The following CTNNA3 variants were observed in gnomAD, a reference collection of about 807,000 sequenced individuals.
The protein encoded by CTNNA3 is catenin alpha 3.
A neutral mutation model predicts 95.7 loss-of-function variants in CTNNA3; 76 were observed. The ratio of observed to expected loss-of-function variants is 0.79; its 90% CI spans 0.66 to 0.96. The LOEUF (loss-of-function observed/expected upper bound fraction) is 0.96. Among genes scored for constraint, CTNNA3 ranks in the 40% least tolerant of loss-of-function variants. The pLI is 0.00. For synonymous variants in CTNNA3, 431 were observed against 374.4 expected (o/e 1.15, Z -1.74); for missense variants, 1,191 against 1,089.8 (o/e 1.09, Z -1.31).
chr10:65,921,940 T>G (rs953375371), intron 17 of CTNNA3, among the ~76,000 whole-genome samples: 1 of 152,122 alleles, frequency 6.6e-6, no homozygotes, highest in Non-Finnish European at 1.5e-5. Flanking sequence ...ATATCTATTA[T>G]ATGCTGTAGT....
chr10:66,217,055 T>G (rs1485803074), intron 13 of CTNNA3, among the ~76,000 whole-genome samples: 1 of 152,172 alleles, frequency 6.6e-6, no homozygotes, highest in East Asian at 1.9e-4. Flanking sequence ...TCAAGAATCC[T>G]ATATAAATGG....
intron 13 of CTNNA3, among the ~76,000 whole-genome samples, chr10:66,161,185 G>A (rs1034519145): frequency 3.3e-5 from 5 of 152,140 alleles, no homozygotes; most frequent in Non-Finnish European, 7.4e-5. Context: ...TCAAATGTTA[G>A]TATTGAAATG....
In CTNNA3 at chr10:65,916,024, C is replaced by G. The variant is rs938579237; in HGVS notation, c.*4306G>C. 3.3e-5 allele frequency: 5 copies of G among 152,028 alleles called. No homozygotes were observed. Among genetic ancestry groups the G allele is most frequent in the Admixed American group, 2.6e-4 (4 of 15,252 alleles). 9.4% of individuals were successfully genotyped at this position (152,028 alleles called of 1,614,324 possible). On this transcript the variant is annotated 3_prime_UTR_variant, in exon 18 of 18. Coordinates refer to ENST00000433211, the MANE Select transcript of CTNNA3 (RefSeq NM_013266.4). ...AAACCAAAATGCCAAAATAAAAACT[C>G]TCAAACTGCTATTGTTATTAGTCCT...
intron 2 of CTNNA3, among the ~76,000 whole-genome samples, chr10:67,632,161 C>T (rs964141452): frequency 6.8e-6 from 1 of 146,416 alleles, no homozygotes; most frequent in African/African-American, 2.5e-5. Flanking sequence ...CACACACACA[C>T]ACACAGTGGT....
At chr10:65,921,570 C>T (rs1482611094) in intron 17 of CTNNA3, among the ~76,000 whole-genome samples, 1 of 152,232 alleles carries the variant, frequency 6.6e-6, no homozygotes, top group Non-Finnish European at 1.5e-5. Context: ...ATACGCCTTA[C>T]ATGAGGATTC....
At chr10:67,675,852 T>G (rs1346714918) in intron 1 of CTNNA3, among the ~76,000 whole-genome samples, 1 of 152,156 alleles carries the variant, frequency 6.6e-6, no homozygotes, top group Admixed American at 6.6e-5. Flanking sequence ...AGTCTTTTAA[T>G]TAATTAATTT....
intron 10 of CTNNA3, among the ~76,000 whole-genome samples, chr10:66,583,748 T>C (rs1843271618): frequency 6.6e-6 from 1 of 151,826 alleles, no homozygotes; most frequent in Non-Finnish European, 1.5e-5. Context: ...CTTATTTCTC[T>C]GGTTCCTTCA....
intron 5 of CTNNA3, among the ~76,000 whole-genome samples, chr10:67,455,773 C>T (rs935138884): frequency 6.6e-6 from 1 of 152,024 alleles, no homozygotes; most frequent in Non-Finnish European, 1.5e-5. Flanking sequence ...GAAAAACTTC[C>T]TTGTTTTTCA....
intron 1 of CTNNA3, among the ~76,000 whole-genome samples, chr10:67,705,688 T>G (rs1841074233): frequency 1.4e-5 from 2 of 142,664 alleles, no homozygotes; most frequent in African/African-American, 2.6e-5. Context: ...AAATGACGAG[T>G]TAATGGGTGC....
At chr10:66,393,768 C>T (rs2092952320) in intron 11 of CTNNA3, among the ~76,000 whole-genome samples, 1 of 151,888 alleles carries the variant, frequency 6.6e-6, no homozygotes, top group African/African-American at 2.4e-5. Context: ...ATAATAATTC[C>T]AAGAGATAGA....
At chr10:66,879,560 T>A (rs563197769) in intron 7 of CTNNA3, among the ~76,000 whole-genome samples, 2 of 152,080 alleles carry the variant, frequency 1.3e-5, no homozygotes, top group South Asian at 4.2e-4. Context: ...TGTACAAGAG[T>A]ATATATAGCA....
At chr10:66,711,905 T>A (rs994661154) in intron 9 of CTNNA3, among the ~76,000 whole-genome samples, 1 of 152,134 alleles carries the variant, frequency 6.6e-6, no homozygotes, top group East Asian at 1.9e-4. Context: ...CTTGTGTTTT[T>A]ACTATTTAGA....
intron 10 of CTNNA3, among the ~76,000 whole-genome samples, chr10:66,530,508 C>T (rs893996653): frequency 5.9e-5 from 9 of 152,100 alleles, no homozygotes; most frequent in African/African-American, 2.2e-4. Context: ...TTTACCTGCT[C>T]TCATACTATA....
chr10:67,178,192 G>T (rs1401360978), intron 7 of CTNNA3, among the ~76,000 whole-genome samples: 29 of 152,100 alleles, frequency 1.9e-4, no homozygotes, highest in Non-Finnish European at 4.3e-4. Flanking sequence ...CACACCCTGG[G>T]GTGGGTCAGG....
chr10:66,038,164 T>C (rs1455541409), intron 15 of CTNNA3, among the ~76,000 whole-genome samples: 1 of 152,256 alleles, frequency 6.6e-6, no homozygotes, highest in Non-Finnish European at 1.5e-5. Context: ...ATGTAACCCA[T>C]GTATAAAACA....
intron 7 of CTNNA3, among the ~76,000 whole-genome samples, chr10:66,857,418 AAAAT>A (rs1415083794): frequency 6.6e-6 from 1 of 151,188 alleles, no homozygotes; most frequent in Non-Finnish European, 1.5e-5. Flanking sequence ...CATGAACTTT[AAAAT>A]AGTTTTTTGT....
intron 3 of CTNNA3, among the ~76,000 whole-genome samples, chr10:67,581,165 C>T (rs925855245): frequency 1.2e-4 from 19 of 152,016 alleles, no homozygotes; most frequent in Admixed American, 4.6e-4. Context: ...TTCCGGTTTT[C>T]GCCCATTCAG....
intron 7 of CTNNA3, among the ~76,000 whole-genome samples, chr10:67,074,118 C>T (rs1856610787): frequency 7.0e-6 from 1 of 142,204 alleles, no homozygotes; most frequent in Non-Finnish European, 1.5e-5. Flanking sequence ...TCATTACAAC[C>T]TCCTCCCGAG....
At chr10:66,638,403 T>C (rs568939388) in intron 9 of CTNNA3, among the ~76,000 whole-genome samples, 1 of 152,180 alleles carries the variant, frequency 6.6e-6, no homozygotes, top group Non-Finnish European at 1.5e-5. Context: ...AAGCGGACTT[T>C]AATTGAATAT....
Sources: gnomAD v4.1 joint callset for allele counts (sites outside exome capture counted in the v4.1 genomes callset) on GRCh38, gnomAD v4.1.1 for gene constraint, MANE v1.5 for transcripts, NCBI Gene and HGNC (gene_info 2026-07-23, HGNC 2026-07-21) for gene names.